Variants in KIF16B observed in about 807,000 individuals in gnomAD.
KIF16B encodes the protein kinesin-like protein KIF16B.
In KIF16B, 98 loss-of-function variants were observed where a neutral mutation model predicts 156.3. The observed-to-expected ratio is 0.63, with a 90% CI of 0.53 to 0.74. The LOEUF is 0.74. Among genes scored for constraint, KIF16B ranks in the 30% least tolerant of loss-of-function variants. The pLI, the probability that KIF16B is intolerant of heterozygous loss-of-function variation, is 0.00. For synonymous variants in KIF16B, 564 were observed against 583.7 expected (o/e 0.97, Z 0.49); for missense variants, 1,421 against 1,606.5 (o/e 0.88, Z 1.97).
In KIF16B at chr20:16,285,509, A is replaced by G. The variant is rs776472967; in HGVS notation, c.3796-12098T>C. ...CTTTCTATGGCATTTTAATGCCTAC[A>G]TAAACAAGTACAAATATAGACACCC... On this transcript the variant is annotated intron_variant, in intron 25 of 25. Coordinates refer to ENST00000354981, the MANE Select transcript of KIF16B (RefSeq NM_024704.5). 4.0e-4 allele frequency among the ~76,000 whole-genome samples: 61 copies of G among 152,186 alleles called. 1 individual carries two copies. The highest frequency in any genetic ancestry group is 7.9e-4 in the Non-Finnish European group (54 of 68,036).
chr20:16,497,749 G>A (rs983423365), intron 10 of KIF16B, 71 bp from the exon 11 acceptor site: 1 of 1,146,314 alleles, frequency 8.7e-7, no homozygotes, highest in Non-Finnish European at 1.3e-6. Flanking sequence ...CCTGAATATA[G>A]TAAATTATCC....
At chr20:16,476,156 T>C (rs543132347) in intron 12 of KIF16B, among the ~76,000 whole-genome samples, 2 of 152,312 alleles carry the variant, frequency 1.3e-5, no homozygotes, top group South Asian at 2.1e-4. Flanking sequence ...TACAGTGACA[T>C]CTAGTGTTAA....
At chr20:16,570,346 T>C (rs1381465273) in intron 1 of KIF16B, among the ~76,000 whole-genome samples, 1 of 152,240 alleles carries the variant, frequency 6.6e-6, no homozygotes, top group Non-Finnish European at 1.5e-5. Context: ...AAGCATTTTC[T>C]GCTTAAGTAT....
intron 24 of KIF16B, among the ~76,000 whole-genome samples, chr20:16,332,759 T>TA (rs1325835569): frequency 1.3e-5 from 2 of 152,076 alleles, no homozygotes; most frequent in Admixed American, 6.5e-5. Flanking sequence ...GTAAAAGAAA[T>TA]AAAAAAATTT....
At chr20:16,468,478 A>G (rs1359334005) in intron 12 of KIF16B, among the ~76,000 whole-genome samples, 1 of 142,698 alleles carries the variant, frequency 7.0e-6, no homozygotes, top group Non-Finnish European at 1.5e-5. Flanking sequence ...TGGGAGGCTG[A>G]GGTAGGAGAA....
chr20:16,534,267 A>AAG (rs1159563408), intron 1 of KIF16B, among the ~76,000 whole-genome samples: 8 of 152,010 alleles, frequency 5.3e-5, no homozygotes, highest in Non-Finnish European at 1.2e-4. Context: ...ATAAAAAAAA[A>AAG]AAATTAATCT....
intron 6 of KIF16B, among the ~76,000 whole-genome samples, chr20:16,508,905 G>A (rs2147037598): frequency 6.6e-6 from 1 of 152,138 alleles, no homozygotes; most frequent in Non-Finnish European, 1.5e-5. Context: ...ACATTCATAT[G>A]GTTCTAAAGT....
rs1451163826 is a variant in KIF16B, at chr20:16,519,088, T to TA, written c.232-3425dup. Among the ~76,000 whole-genome samples the TA allele has an allele frequency of 2.0e-5, 3 of 152,264 alleles. No homozygotes were observed. The East Asian group carries it at 5.8e-4, about 29-fold the overall frequency. ...ACTGAATCTCTTCAACAAAGAAAAA[T>TA]AGAGTTAAAATTTAACACATTTGAT... is the stretch of plus-strand genomic sequence containing the variant. On this transcript the variant is annotated intron_variant, in intron 3 of 25. Coordinates refer to ENST00000354981, the MANE Select transcript of KIF16B (RefSeq NM_024704.5).
intron 20 of KIF16B, among the ~76,000 whole-genome samples, chr20:16,373,745 C>T (rs1017373807): frequency 5.3e-5 from 8 of 152,174 alleles, no homozygotes; most frequent in African/African-American, 9.7e-5. Context: ...CTTTTCATTC[C>T]GCCCTCTCAC....
At chr20:16,337,188 C>T (rs1396582321) in intron 23 of KIF16B, among the ~76,000 whole-genome samples, 4 of 152,268 alleles carry the variant, frequency 2.6e-5, no homozygotes, top group East Asian at 1.9e-4. Flanking sequence ...GGCCTTTGCA[C>T]GGGCCATGCT....
chr20:16,475,467 A>G (rs2067783350), intron 12 of KIF16B, among the ~76,000 whole-genome samples: 1 of 152,216 alleles, frequency 6.6e-6, no homozygotes, highest in Non-Finnish European at 1.5e-5. Context: ...ACTAACTGTG[A>G]CAGTACATTC....
chr20:16,558,986 T>TTG (rs2070958512), intron 1 of KIF16B, among the ~76,000 whole-genome samples: 1 of 152,116 alleles, frequency 6.6e-6, no homozygotes, highest in Admixed American at 6.5e-5. Flanking sequence ...ATCTCCCTGA[T>TTG]TGTGAAGATG....
At chr20:16,438,817 C>A (rs1369323758) in intron 12 of KIF16B, among the ~76,000 whole-genome samples, 2 of 152,158 alleles carry the variant, frequency 1.3e-5, no homozygotes, top group Non-Finnish European at 2.9e-5. Context: ...TGAATAAAAA[C>A]AATACTGGTA....
chr20:16,488,577 CAT>C (rs2068191791), intron 12 of KIF16B, among the ~76,000 whole-genome samples: 4 of 152,126 alleles, frequency 2.6e-5, no homozygotes, highest in Non-Finnish European at 1.5e-5. Flanking sequence ...AGCAATAAAA[CAT>C]AGGGGACTTG....
chr20:16,536,084 G>A (rs1157994571), intron 1 of KIF16B, among the ~76,000 whole-genome samples: 1 of 152,146 alleles, frequency 6.6e-6, no homozygotes, highest in Non-Finnish European at 1.5e-5. Context: ...TATTATCAAC[G>A]TAAGTGTCCA....
chr20:16,392,751 C>T (rs1355488874), intron 17 of KIF16B, among the ~76,000 whole-genome samples: 3 of 152,206 alleles, frequency 2.0e-5, no homozygotes, highest in Admixed American at 1.3e-4. Flanking sequence ...AGGTCTCCAA[C>T]CCAGTGGTAT....
chr20:16,492,707 CGCA>C (rs1312136729), intron 12 of KIF16B, among the ~76,000 whole-genome samples: 3 of 151,896 alleles, frequency 2.0e-5, no homozygotes, highest in African/African-American at 7.3e-5. Context: ...GGGACGCTGC[CGCA>C]GCAGCAGAAG....
At chr20:16,295,297 C>T (rs2063368360) in intron 25 of KIF16B, among the ~76,000 whole-genome samples, 1 of 152,162 alleles carries the variant, frequency 6.6e-6, no homozygotes, top group Non-Finnish European at 1.5e-5. Flanking sequence ...GGCTATGCTG[C>T]AATCCTTCCA....
chr20:16,461,259 G>A (rs528011146), intron 12 of KIF16B, among the ~76,000 whole-genome samples: 1 of 152,044 alleles, frequency 6.6e-6, no homozygotes, highest in Non-Finnish European at 1.5e-5. Flanking sequence ...ATACTTTCAC[G>A]ATAATATATC....
Sources: gnomAD v4.1 joint callset for allele counts (sites outside exome capture counted in the v4.1 genomes callset) on GRCh38, gnomAD v4.1.1 for gene constraint, MANE v1.5 for transcripts, NCBI Gene and HGNC (gene_info 2026-07-23, HGNC 2026-07-21) for gene names.